Variants in ELAPOR2 observed in about 807,000 individuals in gnomAD.
ELAPOR2 encodes endosome-lysosome associated apoptosis and autophagy regulator family member 2.
In ELAPOR2, 89 loss-of-function variants were observed where a neutral mutation model predicts 120.7. The ratio of observed to expected loss-of-function variants is 0.74; its 90% CI spans 0.62 to 0.88. The LOEUF is 0.88. Among genes scored for constraint, ELAPOR2 ranks in the 40% least tolerant of loss-of-function variants. The pLI, the probability that ELAPOR2 is intolerant of heterozygous loss-of-function variation, is 0.00. For synonymous variants in ELAPOR2, 444 were observed against 444.9 expected (o/e 1.00, Z 0.03); for missense variants, 1,134 against 1,251.6 (o/e 0.91, Z 1.42).
chr7:86,928,866 T>C (rs997295163), intron 8 of ELAPOR2, among the ~76,000 whole-genome samples: 15 of 151,996 alleles, frequency 9.9e-5, no homozygotes, highest in African/African-American at 3.6e-4. Context: ...TTGTTTCACA[T>C]GGCAGATTGA....
chr7:86,885,702 G>A (rs191325677), intron 21 of ELAPOR2, among the ~76,000 whole-genome samples: 1 of 152,214 alleles, frequency 6.6e-6, no homozygotes, highest in Non-Finnish European at 1.5e-5. Flanking sequence ...ACTCTCCTGT[G>A]GGAAAAGAGG....
At chr7:87,000,289 A>T (rs899881512) in intron 1 of ELAPOR2, among the ~76,000 whole-genome samples, 1 of 152,134 alleles carries the variant, frequency 6.6e-6, no homozygotes, top group Non-Finnish European at 1.5e-5. Context: ...GCTATTTAGG[A>T]AAAGCCTTTC....
chr7:86,971,446 T>G (rs1258207536), intron 1 of ELAPOR2, among the ~76,000 whole-genome samples: 1 of 152,194 alleles, frequency 6.6e-6, no homozygotes, highest in Non-Finnish European at 1.5e-5. Context: ...ATTAGAAATA[T>G]GAACTAAAAC....
intron 2 of ELAPOR2, among the ~76,000 whole-genome samples, chr7:86,959,458 T>G (rs540741867): frequency 6.6e-6 from 1 of 152,356 alleles, no homozygotes; most frequent in Non-Finnish European, 1.5e-5. Flanking sequence ...ATTAGCTATG[T>G]GCTTGTCCTA....
intron 1 of ELAPOR2, among the ~76,000 whole-genome samples, chr7:87,021,864 G>C (rs1020479217): frequency 1.3e-5 from 2 of 152,092 alleles, no homozygotes; most frequent in African/African-American, 2.4e-5. Flanking sequence ...ATTTGGATTG[G>C]GGGCTATTCT....
intron 1 of ELAPOR2, among the ~76,000 whole-genome samples, chr7:87,051,335 T>A (rs1171506471): frequency 6.6e-6 from 1 of 152,230 alleles, no homozygotes; most frequent in Non-Finnish European, 1.5e-5. Flanking sequence ...CTGGGTACAA[T>A]GTTTCACAAC....
intron 8 of ELAPOR2, among the ~76,000 whole-genome samples, chr7:86,933,826 CATGT>C (rs1297156690): frequency 6.6e-6 from 1 of 151,966 alleles, no homozygotes; most frequent in Non-Finnish European, 1.5e-5. Flanking sequence ...CTTTCAGCTT[CATGT>C]ATTTGTTTCA....
chr7:86,965,978 T>C, intron 1 of ELAPOR2: 1 of 985,070 alleles, frequency 1.0e-6, no homozygotes, highest in African/African-American at 1.7e-5. Context: ...CATAGCACAC[T>C]TTGCTAACAA....
chr7:87,039,794 G>A (rs1229729003), intron 1 of ELAPOR2, among the ~76,000 whole-genome samples: 1 of 152,172 alleles, frequency 6.6e-6, no homozygotes, highest in Non-Finnish European at 1.5e-5. Flanking sequence ...GAACAGCTCT[G>A]GTCTACAGCT....
At chr7:86,976,423 C>T (rs1792286018) in intron 1 of ELAPOR2, among the ~76,000 whole-genome samples, 1 of 152,156 alleles carries the variant, frequency 6.6e-6, no homozygotes, top group Non-Finnish European at 1.5e-5. Flanking sequence ...CCAGGCTCAC[C>T]TTCAAACTGT....
intron 12 of ELAPOR2, 94 bp downstream of exon 12, chr7:86,918,342 AAAAAAG>A: frequency 2.0e-6 from 1 of 493,878 alleles, no homozygotes; most frequent in African/African-American, 2.0e-5. Context: ...AAAAAAAAAA[AAAAAAG>A]GAATTCTTAT....
chr7:86,932,594 AC>A, intron 8 of ELAPOR2, among the ~76,000 whole-genome samples: 1 of 151,938 alleles, frequency 6.6e-6, no homozygotes, highest in Non-Finnish European at 1.5e-5. Context: ...AACAAAAACA[AC>A]CTTTTCTCCA....
intron 1 of ELAPOR2, among the ~76,000 whole-genome samples, chr7:87,002,609 G>A (rs1457905091): frequency 6.6e-6 from 1 of 152,010 alleles, no homozygotes; most frequent in Non-Finnish European, 1.5e-5. Context: ...ACCCCAGCAG[G>A]GGTAGGCAGA....
intron 4 of ELAPOR2, among the ~76,000 whole-genome samples, chr7:86,942,440 C>T (rs1790838678): frequency 6.6e-6 from 1 of 151,994 alleles, no homozygotes; most frequent in South Asian, 2.1e-4. Flanking sequence ...ACCCAACTTA[C>T]CCAAACTTTT....
intron 8 of ELAPOR2, among the ~76,000 whole-genome samples, chr7:86,928,048 A>T (rs1389612264): frequency 6.6e-6 from 1 of 152,042 alleles, no homozygotes; most frequent in African/African-American, 2.4e-5. Context: ...AGATTAACTT[A>T]TCTGAAGAAG....
chr7:86,931,761 A>C (rs1790338801), intron 8 of ELAPOR2, among the ~76,000 whole-genome samples: 1 of 151,924 alleles, frequency 6.6e-6, no homozygotes, highest in Non-Finnish European at 1.5e-5. Context: ...TGATAAAGTG[A>C]TCTTTTAATC....
At chr7:87,020,528 T>C (rs1246063988) in intron 1 of ELAPOR2, among the ~76,000 whole-genome samples, 5 of 152,110 alleles carry the variant, frequency 3.3e-5, no homozygotes, top group Middle Eastern at 3.2e-3. Context: ...GAAGGTAACA[T>C]ATTCCAGAAT....
chr7:86,996,383 AT>A, intron 1 of ELAPOR2, among the ~76,000 whole-genome samples: 1 of 152,176 alleles, frequency 6.6e-6, no homozygotes, highest in Non-Finnish European at 1.5e-5. Flanking sequence ...AAAGAAGAGC[AT>A]TCCCGGCAGA....
At chr7:87,002,086 G>A (rs114524190) in intron 1 of ELAPOR2, among the ~76,000 whole-genome samples, 1 of 152,264 alleles carries the variant, frequency 6.6e-6, no homozygotes, top group African/African-American at 2.4e-5. Context: ...CCAATGGTAT[G>A]TCAAGGAACC....
Sources: gnomAD v4.1 joint callset for allele counts (sites outside exome capture counted in the v4.1 genomes callset) on GRCh38, gnomAD v4.1.1 for gene constraint, MANE v1.5 for transcripts, NCBI Gene and HGNC (gene_info 2026-07-23, HGNC 2026-07-21) for gene names.